The following GALNT18 variants were observed in gnomAD, a reference collection of about 807,000 sequenced individuals.
The protein encoded by GALNT18 is polypeptide N-acetylgalactosaminyltransferase 18.
A neutral mutation model predicts 69.5 loss-of-function variants in GALNT18; 44 were observed. That is an observed-to-expected ratio of 0.63 (90% confidence interval 0.50 to 0.81). The LOEUF is 0.81. GALNT18 is among the 40% of genes least tolerant of loss of function. GALNT18 has a pLI of 0.00. For synonymous variants in GALNT18, 364 were observed against 318.2 expected, an observed-to-expected ratio of 1.14 and a Z score of -1.53; for missense variants, 715 against 810.0, an observed-to-expected ratio of 0.88 and a Z score of 1.42.
rs1856088888 is a variant in GALNT18, at chr11:11,463,377, A to G, written c.236-14441T>C. On this transcript the variant is annotated intron_variant, in intron 1 of 10. Transcript: ENST00000227756. This position sits in a 1 kb window ranked among gnomAD's most constrained non-coding sequence, Gnocchi z 4.2. ...AAAGATGAGAAAAGAACACTTACAA[A>G]AACAAACTTGTGAGAAGAAATATTA... Among the ~76,000 whole-genome samples the G allele has an allele frequency of 1.3e-5, 2 of 152,338 alleles. No individual in the cohort carries two copies. Among genetic ancestry groups the G allele is most frequent in the South Asian group, 4.1e-4 (2 of 4,824 alleles).
chr11:11,437,206 A>G (rs994990598), intron 2 of GALNT18, among the ~76,000 whole-genome samples: 3 of 152,216 alleles, frequency 2.0e-5, no homozygotes, highest in Non-Finnish European at 2.9e-5. Flanking sequence ...GAGAACTCAC[A>G]ACTGCACGAG....
intron 3 of GALNT18, among the ~76,000 whole-genome samples, chr11:11,400,569 G>T (rs1362933856): frequency 6.6e-6 from 1 of 152,172 alleles, no homozygotes; most frequent in Non-Finnish European, 1.5e-5. Flanking sequence ...TCACAGTTCT[G>T]AAGGCTGGGG....
intron 1 of GALNT18, among the ~76,000 whole-genome samples, chr11:11,507,944 G>C (rs941224523): frequency 6.6e-6 from 1 of 152,224 alleles, no homozygotes; most frequent in Admixed American, 6.5e-5. Flanking sequence ...TGGACTCCAA[G>C]TTCTACCTTC....
intron 2 of GALNT18, among the ~76,000 whole-genome samples, chr11:11,442,267 T>G (rs372583386): frequency 6.6e-6 from 1 of 152,186 alleles, no homozygotes; most frequent in East Asian, 1.9e-4. Flanking sequence ...CTTCCACTTT[T>G]AAGTGCCCTT....
At position 11,616,290 on chromosome 11, in the gene GALNT18, G is replaced by A. The variant is rs934667666; in HGVS notation, c.235+5069C>T. ...CATTTGACAGGGATTACATTTACTC[G>A]GAAAAATTTGAATGATAACACCCAA... On this transcript the variant is annotated intron_variant, in intron 1 of 10. Coordinates refer to ENST00000227756, the MANE Select transcript of GALNT18 (RefSeq NM_198516.3). The surrounding 1 kb of genome is among the most constrained non-coding windows in gnomAD (Gnocchi z 4.4). Among the ~76,000 whole-genome samples, 1 of 152,120 alleles carries A rather than the reference G, an allele frequency of 6.6e-6. No homozygotes were observed. Among genetic ancestry groups the A allele is most frequent in the African/African-American group, 2.4e-5 (1 of 41,426 alleles).
At chr11:11,308,234 G>A (rs1237678839) in intron 9 of GALNT18, among the ~76,000 whole-genome samples, 2 of 152,116 alleles carry the variant, frequency 1.3e-5, no homozygotes, top group East Asian at 3.8e-4. Flanking sequence ...AAGCGATGGT[G>A]GAAATCACAT....
intron 6 of GALNT18, chr11:11,353,450 T>C (rs1850463324): frequency 4.5e-6 from 2 of 442,204 alleles, no homozygotes; most frequent in Non-Finnish European, 8.1e-6. Context: ...TGAGGCACCG[T>C]CTCCTTGTGG....
chr11:11,522,515 G>A (rs779501662), intron 1 of GALNT18, among the ~76,000 whole-genome samples: 5 of 152,196 alleles, frequency 3.3e-5, no homozygotes, highest in South Asian at 2.1e-4. Context: ...ACAGAAACAC[G>A]CAGCCCTGCG....
rs1342624217 is a variant in GALNT18, at chr11:11,413,749, C to T, written c.595+18872G>A. On this transcript the variant is annotated intron_variant, in intron 3 of 10. Transcript: ENST00000227756. This position sits in a 1 kb window ranked among gnomAD's most constrained non-coding sequence, Gnocchi z 4.7. ...TTGCTGTGTTATAACTAGGGTATTT[C>T]ACCATTCTTCAAGAGGATGACTGTG... is the stretch of plus-strand genomic sequence containing the variant. Among the ~76,000 whole-genome samples, 2 of 152,178 alleles carry T rather than the reference C, an allele frequency of 1.3e-5. No homozygotes were observed. The highest frequency in any genetic ancestry group is 4.8e-5 in the African/African-American group (2 of 41,440).
Position 11,318,407 on chromosome 11 carries a change from C to T in GALNT18, c.1512+8679G>A, listed in dbSNP as rs527660347. On this transcript the variant is annotated intron_variant, in intron 9 of 10. Coordinates refer to ENST00000227756, the MANE Select transcript of GALNT18 (RefSeq NM_198516.3). This position sits in a 1 kb window ranked among gnomAD's most constrained non-coding sequence, Gnocchi z 5.1. ...AAGGGGCAATTTGGACACAGACGCA[C>T]ATACTGATAATGCCATGTGAAGGGT... is the stretch of plus-strand genomic sequence containing the variant. Among the ~76,000 whole-genome samples the T allele has an allele frequency of 3.3e-5, 5 of 152,240 alleles. No homozygotes were observed. Among genetic ancestry groups the T allele is most frequent in the African/African-American group, 9.6e-5 (4 of 41,542 alleles).
Position 11,435,942 on chromosome 11 carries a change from T to C in GALNT18, c.429-3155A>G, listed in dbSNP as rs1855389889. ...ACGCCCTGACCTCCTTAAATCCTTC[T>C]TTTCTCTTCTCTCCTGGGACTGCTG... On this transcript the variant is annotated intron_variant, in intron 2 of 10. Coordinates refer to ENST00000227756, the MANE Select transcript of GALNT18 (RefSeq NM_198516.3). The surrounding 1 kb of genome is among the most constrained non-coding windows in gnomAD (Gnocchi z 4.4). Among the ~76,000 whole-genome samples, 1 of 152,204 alleles carries C rather than the reference T, an allele frequency of 6.6e-6. No individual in the cohort carries two copies. The highest frequency in any genetic ancestry group is 1.5e-5 in the Non-Finnish European group (1 of 68,036).
At chr11:11,408,774 C>T (rs1307412598) in intron 3 of GALNT18, among the ~76,000 whole-genome samples, 3 of 152,178 alleles carry the variant, frequency 2.0e-5, no homozygotes. Context: ...GGAGCCTCCA[C>T]CCTCACCCCT....
At chr11:11,504,873 A>T (rs564767542) in intron 1 of GALNT18, among the ~76,000 whole-genome samples, 1 of 152,282 alleles carries the variant, frequency 6.6e-6, no homozygotes, top group South Asian at 2.1e-4. Flanking sequence ...TTTGCCTTGG[A>T]TGACTCAGAG....
At chr11:11,304,680 T>C (rs1224162894) in intron 9 of GALNT18, among the ~76,000 whole-genome samples, 1 of 152,238 alleles carries the variant, frequency 6.6e-6, no homozygotes, top group African/African-American at 2.4e-5. Flanking sequence ...TGCTTCTTCC[T>C]GTATTCCCCT....
intron 2 of GALNT18, among the ~76,000 whole-genome samples, chr11:11,438,497 T>C (rs1174452065): frequency 6.6e-6 from 1 of 152,206 alleles, no homozygotes; most frequent in African/African-American, 2.4e-5. Context: ...TTTCCCCATT[T>C]TATTCCTTTC....
At chr11:11,437,199 A>G (rs1271085573) in intron 2 of GALNT18, among the ~76,000 whole-genome samples, 1 of 152,190 alleles carries the variant, frequency 6.6e-6, no homozygotes, top group African/African-American at 2.4e-5. Context: ...GCTCCTCGAG[A>G]ACTCACAACT....
intron 1 of GALNT18, among the ~76,000 whole-genome samples, chr11:11,585,354 CTT>C (rs796771821): frequency 3.6e-5 from 5 of 138,340 alleles, no homozygotes; most frequent in Non-Finnish European, 4.7e-5. Context: ...GAAGAAAAAT[CTT>C]TTTTTTTTTT....
At chr11:11,462,081 G>A (rs1021276003) in intron 1 of GALNT18, among the ~76,000 whole-genome samples, 1 of 152,130 alleles carries the variant, frequency 6.6e-6, no homozygotes, top group African/African-American at 2.4e-5. Context: ...ATTACAGATC[G>A]TGGGGTCCCA....
At chr11:11,294,821 TCTC>T (rs1849367063) in intron 9 of GALNT18, among the ~76,000 whole-genome samples, 2 of 152,060 alleles carry the variant, frequency 1.3e-5, no homozygotes, top group Admixed American at 6.5e-5. Flanking sequence ...TGTGAACTCT[TCTC>T]CTCACATTGC....
Sources: allele counts gnomAD v4.1 joint callset (sites outside exome capture counted in the v4.1 genomes callset), GRCh38; gene constraint gnomAD v4.1.1; non-coding constraint Gnocchi (gnomAD v3.1); transcripts MANE v1.5; gene names NCBI Gene and HGNC (gene_info 2026-07-23, HGNC 2026-07-21).